Variants in OSBPL1A observed in about 807,000 individuals in gnomAD.
OSBPL1A encodes the protein oxysterol binding protein like 1A.
In OSBPL1A, 80 loss-of-function variants were observed where a neutral mutation model predicts 137.1. The observed-to-expected ratio is 0.58, with a 90% CI of 0.49 to 0.70. The LOEUF (loss-of-function observed/expected upper bound fraction) is 0.70. Ranked by LOEUF, OSBPL1A falls within the 30% of genes least tolerant of loss-of-function variation. The pLI, the probability that OSBPL1A is intolerant of heterozygous loss-of-function variation, is 0.00. For synonymous variants in OSBPL1A, 365 were observed against 389.7 expected (o/e 0.94, Z 0.75); for missense variants, 970 against 1,129.4 (o/e 0.86, Z 2.02).
intron 21 of OSBPL1A, among the ~76,000 whole-genome samples, chr18:24,176,274 T>A (rs1004396237): frequency 6.6e-6 from 1 of 152,222 alleles, no homozygotes; most frequent in African/African-American, 2.4e-5. Flanking sequence ...ATCTTAACTA[T>A]AATTGAGGCT....
At chr18:24,331,701 T>C (rs1436687922) in intron 7 of OSBPL1A, among the ~76,000 whole-genome samples, 1 of 150,588 alleles carries the variant, frequency 6.6e-6, no homozygotes, top group Non-Finnish European at 1.5e-5. Flanking sequence ...CGGCGGCATG[T>C]TCCTCTTTTA....
intron 1 of OSBPL1A, among the ~76,000 whole-genome samples, chr18:24,385,076 TC>T (rs1430019105): frequency 2.6e-5 from 4 of 151,144 alleles, no homozygotes; most frequent in Non-Finnish European, 5.9e-5. Flanking sequence ...TGCCTCAGCC[TC>T]CCAAGTAGCT....
At chr18:24,277,568 G>T (rs1034499638) in intron 15 of OSBPL1A, among the ~76,000 whole-genome samples, 1 of 152,190 alleles carries the variant, frequency 6.6e-6, no homozygotes, top group African/African-American at 2.4e-5. Context: ...GTCAAAGAGA[G>T]CAAATAGCAG....
chr18:24,175,116 A>ATATATGTG (rs1479827454), intron 21 of OSBPL1A, among the ~76,000 whole-genome samples: 2 of 32,786 alleles, frequency 6.1e-5, no homozygotes, highest in African/African-American at 1.2e-4. Context: ...ATGTATATAT[A>ATATATGTG]TATATATATA....
intron 18 of OSBPL1A, 23 bp downstream of exon 18, chr18:24,196,102 A>G: frequency 6.4e-7 from 1 of 1,568,634 alleles, no homozygotes; most frequent in Admixed American, 1.7e-5. Context: ...GCTTAATATC[A>G]TATGACAAAA....
intron 16 of OSBPL1A, among the ~76,000 whole-genome samples, chr18:24,234,753 T>C (rs2088405859): frequency 1.3e-5 from 2 of 152,238 alleles, no homozygotes; most frequent in Admixed American, 6.5e-5. Flanking sequence ...GATTAAACAT[T>C]TAGTGAAAAT....
At chr18:24,312,363 A>G (rs960427564) in intron 12 of OSBPL1A, among the ~76,000 whole-genome samples, 2 of 152,222 alleles carry the variant, frequency 1.3e-5, no homozygotes, top group Non-Finnish European at 2.9e-5. Context: ...ATTCAAACAC[A>G]TTACAGAAAT....
In OSBPL1A at chr18:24,224,947, G is replaced by A. The variant is rs1472092493; in HGVS notation, c.1601+95C>T. The A allele has an allele frequency of 8.0e-6, 12 of 1,503,624 alleles. No homozygotes were observed. In the East Asian group the frequency reaches 1.4e-4, roughly 17 times the overall value. 93.1% of individuals were successfully genotyped at this position (1,503,624 alleles called of 1,614,324 possible). The stretch of plus-strand genomic sequence containing the variant: ...ATATAGCAATATAAATCCCCTACAC[G>A]GGGAAAAATGAAGACAAGACATATA... On this transcript the variant is annotated intron_variant, in intron 17 of 27. Coordinates refer to ENST00000319481, the MANE Select transcript of OSBPL1A (RefSeq NM_080597.4).
chr18:24,175,104 G>GTATATA (rs775433072), intron 21 of OSBPL1A, among the ~76,000 whole-genome samples: 995 of 42,534 alleles, frequency 0.023, 79 homozygotes, highest in African/African-American at 0.057. Context: ...TTTGCCATGT[G>GTATATA]TATGTATATA....
chr18:24,311,314 T>C (rs1003524955), intron 13 of OSBPL1A: 1 of 258,896 alleles, frequency 3.9e-6, no homozygotes, highest in African/African-American at 2.3e-5. Flanking sequence ...CTGACGTAAT[T>C]ATTCAGACTG....
chr18:24,387,938 T>C (rs1039838823), intron 1 of OSBPL1A, among the ~76,000 whole-genome samples: 2 of 152,098 alleles, frequency 1.3e-5, no homozygotes, highest in South Asian at 2.1e-4. Flanking sequence ...CTAATTCTAA[T>C]ACCACACAAG....
intron 7 of OSBPL1A, among the ~76,000 whole-genome samples, chr18:24,328,218 ATTT>A (rs564798076): frequency 2.1e-5 from 1 of 48,598 alleles, no homozygotes; most frequent in Non-Finnish European, 3.7e-5. Context: ...AATTTTTTGT[ATTT>A]TTTTTTTTTT....
At chr18:24,200,272 T>TA (rs1483412933) in intron 17 of OSBPL1A, among the ~76,000 whole-genome samples, 9 of 151,948 alleles carry the variant, frequency 5.9e-5, no homozygotes, top group African/African-American at 9.7e-5. Flanking sequence ...TAAAATTAAG[T>TA]AAAAAATCAG....
At chr18:24,258,127 A>C (rs911996251) in intron 15 of OSBPL1A, among the ~76,000 whole-genome samples, 3 of 152,156 alleles carry the variant, frequency 2.0e-5, no homozygotes, top group Admixed American at 6.5e-5. Context: ...GTATATTCCC[A>C]AAAAAAGGAA....
intron 16 of OSBPL1A, among the ~76,000 whole-genome samples, chr18:24,226,844 AAT>A (rs1262407547): frequency 6.6e-6 from 1 of 152,056 alleles, no homozygotes; most frequent in Admixed American, 6.6e-5. Context: ...AATTTCTGAA[AAT>A]ATAGTTTTGT....
At chr18:24,270,239 T>A (rs562637856) in intron 15 of OSBPL1A, among the ~76,000 whole-genome samples, 1 of 152,354 alleles carries the variant, frequency 6.6e-6, no homozygotes, top group African/African-American at 2.4e-5. Flanking sequence ...TCAAAAATTG[T>A]ACATGGAGCT....
intron 16 of OSBPL1A, among the ~76,000 whole-genome samples, chr18:24,236,742 A>G (rs777535452): frequency 2.0e-5 from 3 of 152,192 alleles, no homozygotes; most frequent in Non-Finnish European, 4.4e-5. Flanking sequence ...CGTTCTCAAC[A>G]CAGCAATCCA....
At chr18:24,244,055 A>C (rs1234045398) in intron 15 of OSBPL1A, among the ~76,000 whole-genome samples, 3 of 152,234 alleles carry the variant, frequency 2.0e-5, no homozygotes, top group Admixed American at 6.5e-5. Flanking sequence ...CTGCACTAAA[A>C]AATTGGTGTA....
In OSBPL1A at chr18:24,239,275, T is replaced by C. The variant is rs770529981; in HGVS notation, c.1389A>G (p.Lys463=). ...EHHELEQSLV[K]GSPPASILSE... The stretch of plus-strand genomic sequence containing the variant: ...TAAGGATGCTGGCGGGTGGAGAGCC[T>C]TTCACCAGAGACTGCTCTAATTCAT... Residue 463 remains lysine, a synonymous_variant, in exon 16 of 28, where the codon AAA becomes AAG. Coordinates refer to ENST00000319481, the MANE Select transcript of OSBPL1A (RefSeq NM_080597.4). 2.5e-6 allele frequency: 4 copies of C among 1,613,976 alleles called. No individual in the cohort carries two copies. The African/African-American group carries it at 4.0e-5, about 16-fold the overall frequency.
Sources: gnomAD v4.1 joint callset for allele counts (sites outside exome capture counted in the v4.1 genomes callset) on GRCh38, gnomAD v4.1.1 for gene constraint, MANE v1.5 for transcripts, NCBI Gene and HGNC (gene_info 2026-07-23, HGNC 2026-07-21) for gene names.